Variants in ANKS1B observed in about 807,000 individuals in gnomAD.
ANKS1B encodes ankyrin repeat and sterile alpha motif domain containing 1B, also known as ankyrin repeat and sterile alpha motif domain-containing protein 1B.
In ANKS1B, 36 loss-of-function variants were observed where a neutral mutation model predicts 148.3. The observed-to-expected ratio is 0.24, with a 90% CI of 0.19 to 0.32. The LOEUF (loss-of-function observed/expected upper bound fraction) is 0.32. Ranked by LOEUF, ANKS1B falls within the 10% of genes least tolerant of loss-of-function variation. The pLI is 1.00. For missense variants in ANKS1B, 1,157 were observed against 1,542.6 expected (o/e 0.75, Z 4.19); for synonymous variants, 542 against 560.8 (o/e 0.97, Z 0.47).
At chr12:99,447,946 C>A (rs188637155) in intron 10 of ANKS1B, among the ~76,000 whole-genome samples, 1 of 152,066 alleles carries the variant, frequency 6.6e-6, no homozygotes, top group Non-Finnish European at 1.5e-5. Context: ...AAAAGACAGG[C>A]AATAACAGAT....
chr12:99,117,682 A>G (rs1398216095), intron 15 of ANKS1B, among the ~76,000 whole-genome samples: 2 of 152,108 alleles, frequency 1.3e-5, no homozygotes, highest in Admixed American at 6.6e-5. Context: ...TCTCTGCCAG[A>G]TTTTGGTATC....
At chr12:99,852,559 G>T (rs1367968942) in intron 1 of ANKS1B, among the ~76,000 whole-genome samples, 1 of 152,166 alleles carries the variant, frequency 6.6e-6, no homozygotes, top group Non-Finnish European at 1.5e-5. Context: ...AATCAGTCAA[G>T]AAATAGAGAA....
At chr12:99,063,009 T>C (rs1287644398) in intron 16 of ANKS1B, among the ~76,000 whole-genome samples, 1 of 152,204 alleles carries the variant, frequency 6.6e-6, no homozygotes. Flanking sequence ...TGTGACCTTC[T>C]GGTGAAGGTC....
intron 12 of ANKS1B, among the ~76,000 whole-genome samples, chr12:99,371,806 G>A (rs2093151128): frequency 6.6e-6 from 1 of 152,018 alleles, no homozygotes; most frequent in South Asian, 2.1e-4. Flanking sequence ...CACTTATAAT[G>A]CAAAGGTAAA....
chr12:98,944,620 A>G (rs547822174), intron 17 of ANKS1B, among the ~76,000 whole-genome samples: 2 of 152,342 alleles, frequency 1.3e-5, no homozygotes, highest in Admixed American at 6.5e-5. Flanking sequence ...ATCAGGATTC[A>G]AAATATCATG....
chr12:99,154,709 C>A (rs2075782691), intron 14 of ANKS1B: 1 of 1,437,494 alleles, frequency 7.0e-7, no homozygotes, highest in African/African-American at 1.4e-5. Flanking sequence ...ATCAAGCTGT[C>A]AGCTTGGGCT....
intron 12 of ANKS1B, among the ~76,000 whole-genome samples, chr12:99,331,047 G>A (rs1253741940): frequency 6.6e-6 from 1 of 151,662 alleles, no homozygotes; most frequent in African/African-American, 2.4e-5. Context: ...TGCTAGGGGT[G>A]GGAAAAAAGC....
At chr12:99,452,765 G>T (rs2095767076) in intron 10 of ANKS1B, among the ~76,000 whole-genome samples, 1 of 152,172 alleles carries the variant, frequency 6.6e-6, no homozygotes, top group Non-Finnish European at 1.5e-5. Flanking sequence ...TCTAGTGAAG[G>T]TTTGTTAAAA....
intron 10 of ANKS1B, among the ~76,000 whole-genome samples, chr12:99,451,843 T>C (rs997073682): frequency 2.6e-5 from 4 of 151,972 alleles, no homozygotes; most frequent in African/African-American, 9.7e-5. Flanking sequence ...TGACACATAG[T>C]AAGTGCTCAA....
intron 11 of ANKS1B, among the ~76,000 whole-genome samples, chr12:99,421,497 T>C (rs776903941): frequency 2.6e-4 from 40 of 151,064 alleles, no homozygotes; most frequent in Non-Finnish European, 5.6e-4. Flanking sequence ...TTTGGAGGAG[T>C]GAGGGCTCAT....
At chr12:99,022,283 G>A (rs1235939601) in intron 17 of ANKS1B, among the ~76,000 whole-genome samples, 2 of 152,140 alleles carry the variant, frequency 1.3e-5, no homozygotes, top group African/African-American at 4.8e-5. Flanking sequence ...GGTTGGAGAG[G>A]ATCAGGATCT....
chr12:98,896,441 TA>T (rs910843754), intron 17 of ANKS1B, among the ~76,000 whole-genome samples: 14 of 151,976 alleles, frequency 9.2e-5, no homozygotes, highest in African/African-American at 2.2e-4. Context: ...CTTTACAGAT[TA>T]AAAAAAAGGC....
chr12:99,606,677 A>C (rs2097854000), intron 9 of ANKS1B, among the ~76,000 whole-genome samples: 1 of 152,116 alleles, frequency 6.6e-6, no homozygotes, highest in Admixed American at 6.6e-5. Context: ...ACTTAATTTC[A>C]CTATAAGGTT....
At chr12:98,955,481 A>T (rs568951416) in intron 17 of ANKS1B, among the ~76,000 whole-genome samples, 1 of 152,320 alleles carries the variant, frequency 6.6e-6, no homozygotes, top group East Asian at 1.9e-4. Context: ...TATTGAGAAA[A>T]GCCAGAAGGG....
intron 15 of ANKS1B, among the ~76,000 whole-genome samples, chr12:99,102,531 C>T (rs2058202282): frequency 6.6e-6 from 1 of 152,060 alleles, no homozygotes; most frequent in Admixed American, 6.5e-5. Context: ...ATTGCTTGAG[C>T]CCATGAGTTC....
intron 17 of ANKS1B, among the ~76,000 whole-genome samples, chr12:98,931,074 T>C (rs544729440): frequency 6.6e-6 from 1 of 152,032 alleles, no homozygotes; most frequent in Non-Finnish European, 1.5e-5. Context: ...CGAGGAGCAA[T>C]AGCCTGAGGA....
At chr12:98,815,912 C>T (rs2099135968) in intron 19 of ANKS1B, among the ~76,000 whole-genome samples, 1 of 152,142 alleles carries the variant, frequency 6.6e-6, no homozygotes, top group African/African-American at 2.4e-5. Context: ...AATGACCCAT[C>T]TAAAATGAAA....
intron 11 of ANKS1B, among the ~76,000 whole-genome samples, chr12:99,412,379 G>A (rs2094739916): frequency 6.6e-6 from 1 of 152,150 alleles, no homozygotes; most frequent in African/African-American, 2.4e-5. Context: ...AAACAACAAA[G>A]CTGATTGCTC....
intron 8 of ANKS1B, among the ~76,000 whole-genome samples, chr12:99,659,953 T>C (rs1190097709): frequency 1.3e-5 from 2 of 152,120 alleles, no homozygotes; most frequent in African/African-American, 2.4e-5. Context: ...ATGTTCAAGA[T>C]TGTCAATGCA....
Sources: allele counts gnomAD v4.1 joint callset (sites outside exome capture counted in the v4.1 genomes callset), GRCh38; gene constraint gnomAD v4.1.1; transcripts MANE v1.5; gene names NCBI Gene and HGNC (gene_info 2026-07-23, HGNC 2026-07-21).